CDC25C: variants seen among roughly 807,000 people sequenced by gnomAD.
CDC25C encodes cell division cycle 25C.
CDC25C carries 48 observed loss-of-function variants against 52.5 expected under a neutral mutation model. The ratio of observed to expected loss-of-function variants is 0.91; its 90% CI spans 0.72 to 1.16. CDC25C has a LOEUF of 1.16. CDC25C is among the 50% of genes most tolerant of loss of function. The probability of loss-of-function intolerance (pLI) is 0.00; values close to 1 mark genes in which losing one functional copy is unlikely to be tolerated. For missense variants in CDC25C, 510 were observed against 566.1 expected, an observed-to-expected ratio of 0.90 and a Z score of 1.01; for synonymous variants, 187 against 206.5, an observed-to-expected ratio of 0.91 and a Z score of 0.81.
intron 7 of CDC25C, among the ~76,000 whole-genome samples, chr5:138,302,415 G>A (rs1440389104): frequency 2.6e-5 from 4 of 151,820 alleles, no homozygotes; most frequent in Admixed American, 6.6e-5. Flanking sequence ...ATTCAAAAAC[G>A]TAGGCCAGGC....
Position 138,285,426 on chromosome 5 carries a change from A to T in CDC25C, c.*266T>A. 2.6e-6 allele frequency: 1 copy of T among 386,452 alleles called. No homozygotes were observed. The highest frequency in any genetic ancestry group is 4.7e-6 in the Non-Finnish European group (1 of 215,044). The allele number at this position is 386,452 out of a possible 1,614,324, so 23.9% of individuals were successfully genotyped here. On this transcript the variant is annotated 3_prime_UTR_variant, in exon 14 of 14. Coordinates refer to ENST00000323760, the MANE Select transcript of CDC25C (RefSeq NM_001790.5). ...TGTGAGAAGACATGAGGAGTTGGGA[A>T]AAGGAATGCCAGAGTTCCCTGAACC...
intron 7 of CDC25C, among the ~76,000 whole-genome samples, chr5:138,309,286 T>C (rs980469214): frequency 6.6e-6 from 1 of 150,984 alleles, no homozygotes; most frequent in African/African-American, 2.4e-5. Context: ...CTGGGCACAG[T>C]GGCTCACGCC....
intron 6 of CDC25C, among the ~76,000 whole-genome samples, chr5:138,325,233 A>G (rs562020764): frequency 6.6e-6 from 1 of 152,274 alleles, no homozygotes; most frequent in East Asian, 1.9e-4. Flanking sequence ...AAGGGATGGG[A>G]GGCAGGGAAG....
chr5:138,326,182 T>C (rs1046738925), intron 4 of CDC25C, 128 bp from the exon 5 acceptor site: 19 of 922,044 alleles, frequency 2.1e-5, no homozygotes, highest in Admixed American at 1.2e-4. Flanking sequence ...GATATGTCTC[T>C]TCCAACAACA....
chr5:138,329,491 T>G (rs765106295), intron 3 of CDC25C, 62 bp downstream of exon 3: 18 of 1,042,278 alleles, frequency 1.7e-5, no homozygotes, highest in Non-Finnish European at 2.7e-5. Context: ...CTATCCTCCT[T>G]CCCTGTTTTC....
intron 13 of CDC25C, 77 bp from the exon 14 acceptor site, chr5:138,285,918 G>C: frequency 6.5e-7 from 1 of 1,546,188 alleles, no homozygotes; most frequent in Non-Finnish European, 8.9e-7. Context: ...AGATGCTGCT[G>C]CTGGCAGTGG....
At chr5:138,318,840 G>A (rs560619765) in intron 7 of CDC25C, among the ~76,000 whole-genome samples, 3 of 152,260 alleles carry the variant, frequency 2.0e-5, no homozygotes, top group Non-Finnish European at 2.9e-5. Flanking sequence ...TAAACTAACT[G>A]AAAGCCTAAT....
In CDC25C at chr5:138,329,651, T is replaced by C. The variant is rs745908970; in HGVS notation, c.195-4A>G. 1 of 1,563,340 alleles carries C rather than the reference T, an allele frequency of 6.4e-7. No individual in the cohort carries two copies. Among genetic ancestry groups the C allele is most frequent in the Non-Finnish European group, 8.8e-7 (1 of 1,134,822 alleles). On this transcript the variant is annotated splice_region_variant and splice_polypyrimidine_tract_variant and intron_variant, in intron 2 of 13. Coordinates refer to ENST00000323760, the MANE Select transcript of CDC25C (RefSeq NM_001790.5). Reference sequence around the variant, plus strand: ...GAGGCAACGTTTTGGGGTTCCTCTGTTGAGACATAATAGTACATCGAAATT... The same window carrying C: ...GAGGCAACGTTTTGGGGTTCCTCTGCTGAGACATAATAGTACATCGAAATT...
chr5:138,338,149 C>T, exon 1 of CDC25C: 2 of 1,289,832 alleles, frequency 1.6e-6, no homozygotes, highest in Non-Finnish European at 2.0e-6. Flanking sequence ...GGAGCTGCGC[C>T]CTCCATGGGT....
intron 7 of CDC25C, among the ~76,000 whole-genome samples, chr5:138,319,014 T>G (rs1759129177): frequency 6.6e-6 from 1 of 152,226 alleles, no homozygotes; most frequent in Non-Finnish European, 1.5e-5. Flanking sequence ...TTTTCTGTAC[T>G]TCATTTCCAT....
At chr5:138,292,980 G>C (rs1348517259) in intron 7 of CDC25C, among the ~76,000 whole-genome samples, 2 of 152,146 alleles carry the variant, frequency 1.3e-5, no homozygotes, top group Non-Finnish European at 2.9e-5. Flanking sequence ...TTTAGGAGGG[G>C]GGCTATACAA....
chr5:138,335,775 T>TG (rs201810029), upstream of CDC25C, among the ~76,000 whole-genome samples: 1,119 of 151,694 alleles, frequency 7.4e-3, 38 homozygotes, highest in East Asian at 0.12. Flanking sequence ...AGGGTTTTTT[T>TG]TTTTGTTTTG....
In CDC25C at chr5:138,292,086, AC is replaced by A. The variant is rs1227601831; in HGVS notation, c.645del (p.Ser216ArgfsTer6). 6.2e-7 allele frequency: 1 copy of A among 1,613,072 alleles called. No homozygotes were observed. The highest frequency in any genetic ancestry group is 1.3e-5 in the African/African-American group (1 of 74,870). Reference sequence around the variant, plus strand: ...GGCCTGTTCAAGTTCTCTGGCATCGACGGGGAGCGATATAGGCCACTTCTGC... The same window carrying A: ...GGCCTGTTCAAGTTCTCTGGCATCGAGGGGAGCGATATAGGCCACTTCTGC... ...KVSRSGLYRS[P>X]SMPENLNRPR... On this transcript the variant is annotated frameshift_variant, in exon 8 of 14. Coordinates refer to ENST00000323760, the MANE Select transcript of CDC25C (RefSeq NM_001790.5). LOFTEE classifies it high-confidence loss of function.
chr5:138,331,343 C>T (rs1760369877), intron 1 of CDC25C, 125 bp from the exon 2 acceptor site: 1 of 743,924 alleles, frequency 1.3e-6, no homozygotes. Flanking sequence ...TGATTCACAG[C>T]CTGGCTTAAG....
At chr5:138,316,842 A>G (rs1243688210) in intron 7 of CDC25C, among the ~76,000 whole-genome samples, 1 of 152,128 alleles carries the variant, frequency 6.6e-6, no homozygotes. Flanking sequence ...GCCTACAGAG[A>G]GGAGCTGCCC....
intron 7 of CDC25C, among the ~76,000 whole-genome samples, chr5:138,314,647 TGCCCAG>T (rs1204590978): frequency 6.7e-6 from 1 of 148,318 alleles, no homozygotes; most frequent in Non-Finnish European, 1.5e-5. Flanking sequence ...TCACTCTTGT[TGCCCAG>T]GCTGGAGTGC....
chr5:138,310,050 G>T (rs577702690), intron 7 of CDC25C, among the ~76,000 whole-genome samples: 3 of 152,186 alleles, frequency 2.0e-5, no homozygotes, highest in African/African-American at 7.2e-5. Flanking sequence ...TACCTTCTCA[G>T]CAACTTTCAA....
chr5:138,328,533 C>A lies in CDC25C; in HGVS notation c.290-4G>T. 6.2e-7 allele frequency: 1 copy of A among 1,611,966 alleles called. No homozygotes were observed. The highest frequency in any genetic ancestry group is 8.5e-7 in the Non-Finnish European group (1 of 1,178,044). On this transcript the variant is annotated splice_polypyrimidine_tract_variant and splice_region_variant and intron_variant, in intron 3 of 13. Transcript: ENST00000323760. ...AGTCCTGAAGAATCCAGGTGACCTG[C>A]AATCAAATATAAAGAATCAGTAAAA... is the stretch of plus-strand genomic sequence containing the variant.
In CDC25C at chr5:138,330,532, G is replaced by C. The variant is rs1027848464; in HGVS notation, c.194+455C>G. Among the ~76,000 whole-genome samples the C allele has an allele frequency of 4.6e-5, 7 of 152,232 alleles. No individual in the cohort carries two copies. The East Asian group carries it at 1.2e-3, about 25-fold the overall frequency. On this transcript the variant is annotated intron_variant, in intron 2 of 13. Transcript: ENST00000323760. The stretch of plus-strand genomic sequence containing the variant: ...TGTCTTTTCTTTTCTTTTTGAGATA[G>C]AGTCTCACTCTGTTTCCCAGGCTGA...
Sources: gnomAD v4.1 joint callset for allele counts (sites outside exome capture counted in the v4.1 genomes callset) on GRCh38, gnomAD v4.1.1 for gene constraint, MANE v1.5 for transcripts, NCBI Gene and HGNC (gene_info 2026-07-23, HGNC 2026-07-21) for gene names.